TADA3: variants seen among roughly 807,000 people sequenced by gnomAD.
TADA3 encodes the protein transcriptional adapter 3.
A neutral mutation model predicts 43.2 loss-of-function variants in TADA3; 25 were observed. The ratio of observed to expected loss-of-function variants is 0.58; its 90% CI spans 0.42 to 0.81. The LOEUF (loss-of-function observed/expected upper bound fraction) is 0.81. TADA3 is among the 30% of genes least tolerant of loss of function. TADA3 has a pLI of 0.00. For synonymous variants in TADA3, 235 were observed against 225.5 expected (o/e 1.04, Z -0.38); for missense variants, 441 against 567.8 (o/e 0.78, Z 2.27).
At chr3:9,786,320 G>A (rs2078609769) in intron 6 of TADA3, among the ~76,000 whole-genome samples, 2 of 152,080 alleles carry the variant, frequency 1.3e-5, no homozygotes, top group Non-Finnish European at 2.9e-5. Context: ...CCGTCAGCTG[G>A]GGTCCCTGTC....
In TADA3 at chr3:9,781,703, GT is replaced by G. The variant is rs1368942231; in HGVS notation, c.1107-1155del. On this transcript the variant is annotated intron_variant, in intron 8 of 8. Coordinates refer to ENST00000301964, the MANE Select transcript of TADA3 (RefSeq NM_006354.5). Reference sequence around the variant, plus strand: ...CTTAGTGATTGAGTCCAGCCTGCCAGTTTTCCAGAAGGGGAAGGAGATGCTC... The same window carrying G: ...CTTAGTGATTGAGTCCAGCCTGCCAGTTTCCAGAAGGGGAAGGAGATGCTC... 9.4e-6 allele frequency: 4 copies of G among 424,724 alleles called. No homozygotes were observed. In the East Asian group the frequency reaches 2.9e-4, roughly 31 times the overall value. The allele number at this position is 424,724 out of a possible 1,614,324, so 26.3% of individuals were successfully genotyped here.
At chr3:9,786,776 C>T (rs759921916) in intron 6 of TADA3, among the ~76,000 whole-genome samples, 4 of 152,200 alleles carry the variant, frequency 2.6e-5, no homozygotes, top group Admixed American at 2.0e-4. Context: ...GCTGGTAATA[C>T]AAGCTCATTT....
At chr3:9,784,847 AGAGC>A (rs1489780216) in intron 7 of TADA3, among the ~76,000 whole-genome samples, 3 of 151,870 alleles carry the variant, frequency 2.0e-5, no homozygotes. Flanking sequence ...CTAAACGACA[AGAGC>A]GAGACTCCAT....
chr3:9,787,407 T>C, intron 4 of TADA3, 67 bp from the exon 5 acceptor site: 1 of 1,535,170 alleles, frequency 6.5e-7, no homozygotes, highest in Admixed American at 2.1e-5. Flanking sequence ...ATTCATTCAT[T>C]CACTTACCTA....
At chr3:9,785,710 G>A (rs1290795740) in intron 6 of TADA3, among the ~76,000 whole-genome samples, 1 of 152,214 alleles carries the variant, frequency 6.6e-6, no homozygotes, top group Non-Finnish European at 1.5e-5. Flanking sequence ...CAACGCACCA[G>A]GCAGTGTGCT....
chr3:9,780,071 T>TG lies in TADA3; in HGVS notation c.*285dup, dbSNP rs2078424272. On this transcript the variant is annotated 3_prime_UTR_variant, in exon 9 of 9. Coordinates refer to ENST00000301964, the MANE Select transcript of TADA3 (RefSeq NM_006354.5). ...GAGACAGGGGTAGGGGATTAGGGAG[T>TG]GGGGGATGGTAAAGAGGGGAAGAGG... is the stretch of plus-strand genomic sequence containing the variant. The TG allele has an allele frequency of 3.1e-6, 1 of 326,524 alleles. No homozygotes were observed. The highest frequency in any genetic ancestry group is 9.7e-5 in the South Asian group (1 of 10,274). The allele number at this position is 326,524 out of a possible 1,614,324, so 20.2% of individuals were successfully genotyped here. A position where few individuals can be genotyped will look rare whatever the true frequency, so the allele number is the denominator to read the frequency against.
rs760618790 is a variant in TADA3, at chr3:9,789,751, G to A, written c.420C>T (p.Ile140=). The change falls in exon 3 of 9, where the codon ATC becomes ATT. Residue 140 remains isoleucine (I), a synonymous_variant. Transcript: ENST00000301964. Reference sequence around the variant, plus strand: ...CATTTTTGGGGATCCGTGGCACGTCGATAGGGTCATCAGTGAATTCATATT... The same window carrying A: ...CATTTTTGGGGATCCGTGGCACGTCAATAGGGTCATCAGTGAATTCATATT... ...IQEYEFTDDP[I]DVPRIPKNDA... is the part of the protein sequence containing the mutation. The A allele has an allele frequency of 8.1e-6, 13 of 1,614,046 alleles. No individual in the cohort carries two copies. The highest frequency in any genetic ancestry group is 3.3e-5 in the Admixed American group (2 of 60,002).
Position 9,792,420 on chromosome 3 carries a change from G to T in TADA3, c.-232C>A. ...CGCTGCGGCCTCCTACGGCCCCAGG[G>T]GCCGCGGGAGGGGGCGGGGAGTTCC... is the stretch of plus-strand genomic sequence containing the variant. On this transcript the variant is annotated 5_prime_UTR_variant, in exon 1 of 9. Coordinates refer to ENST00000301964, the MANE Select transcript of TADA3 (RefSeq NM_006354.5). The T allele has an allele frequency of 9.6e-7, 1 of 1,041,302 alleles. No individual in the cohort carries two copies. The highest frequency in any genetic ancestry group is 1.2e-6 in the Non-Finnish European group (1 of 851,960). 64.5% of individuals were successfully genotyped at this position (1,041,302 alleles called of 1,614,324 possible). A position where few individuals can be genotyped will look rare whatever the true frequency, so the allele number is the denominator to read the frequency against.
intron 6 of TADA3, among the ~76,000 whole-genome samples, chr3:9,786,182 G>A (rs7618636): frequency 0.21 from 31,604 of 151,804 alleles, 3,776 homozygotes; most frequent in East Asian, 0.57. Flanking sequence ...CTTGTGATCC[G>A]CCCGCCTCAG....
rs370295296 is a variant in TADA3, at chr3:9,789,745, C to T, written c.426G>A (p.Val142=). The T allele has an allele frequency of 1.2e-5, 19 of 1,613,650 alleles. No homozygotes were observed. Among genetic ancestry groups the T allele is most frequent in the Non-Finnish European group, 1.6e-5 (19 of 1,179,708 alleles). ...GGGCATCATTTTTGGGGATCCGTGG[C>T]ACGTCGATAGGGTCATCAGTGAATT... ...EYEFTDDPID[V]PRIPKNDAPN... The change falls in exon 3 of 9, where the codon GTG becomes GTA. Residue 142 remains valine (V), a synonymous_variant. Coordinates refer to ENST00000301964, the MANE Select transcript of TADA3 (RefSeq NM_006354.5).
At chr3:9,785,120 C>A (rs909300046) in intron 7 of TADA3, among the ~76,000 whole-genome samples, 196 bp downstream of exon 7, 1 of 152,212 alleles carries the variant, frequency 6.6e-6, no homozygotes, top group African/African-American at 2.4e-5. Flanking sequence ...ATGGTATGAA[C>A]AGTTCTGTGC....
chr3:9,782,652 A>G lies in TADA3; in HGVS notation c.1106+1376T>C, dbSNP rs1015597620. ...AGAATGGCCAAATGATTAGCCTGGC[A>G]TGGTAGTGCATGCCTGTAATCCCAA... On this transcript the variant is annotated intron_variant, in intron 8 of 8. Transcript: ENST00000301964. 2.6e-5 allele frequency among the ~76,000 whole-genome samples: 4 copies of G among 152,180 alleles called. No homozygotes were observed. The East Asian group carries it at 7.7e-4, about 29-fold the overall frequency.
chr3:9,791,553 CTT>C (rs1309107053), intron 1 of TADA3, 60 bp from the exon 2 acceptor site: 3 of 1,049,470 alleles, frequency 2.9e-6, no homozygotes, highest in Non-Finnish European at 4.1e-6. Context: ...CCAAGGGCTT[CTT>C]ACCTCCAGGG....
At position 9,785,418 on chromosome 3, in the gene TADA3, A is replaced by T; in HGVS notation, c.818T>A (p.Ile273Asn). ...RLLQALVEEN[I>N]ISPMEDSPIP... ...AGGAGAATCCTCCATAGGGGAAATA[A>T]TATTTTCCTAGAAGACCACAAAAAT... is the stretch of plus-strand genomic sequence containing the variant. Residue 273 changes from isoleucine (I) to asparagine (N), a missense_variant, in exon 7 of 9, where the codon ATT (isoleucine) becomes AAT (asparagine). Physicochemically the swap from Ile to Asn is moderately radical, Grantham distance 149. Coordinates refer to ENST00000301964, the MANE Select transcript of TADA3 (RefSeq NM_006354.5). 1 of 1,611,938 alleles carries T rather than the reference A, an allele frequency of 6.2e-7. No homozygotes were observed. The highest frequency in any genetic ancestry group is 8.5e-7 in the Non-Finnish European group (1 of 1,178,200).
chr3:9,789,321 G>A (rs2078685719), intron 4 of TADA3, among the ~76,000 whole-genome samples, 188 bp downstream of exon 4: 1 of 152,186 alleles, frequency 6.6e-6, no homozygotes, highest in Non-Finnish European at 1.5e-5. Context: ...TTTGGCTGGG[G>A]TAGAGGGGAG....
chr3:9,792,483 C>T, upstream of TADA3: 1 of 1,203,222 alleles, frequency 8.3e-7, no homozygotes, highest in Admixed American at 4.4e-5. Flanking sequence ...TGGCTATGGG[C>T]GGGCCCCTTG....
chr3:9,784,529 A>G (rs1251942252), intron 7 of TADA3, among the ~76,000 whole-genome samples: 1 of 152,034 alleles, frequency 6.6e-6, no homozygotes, highest in Non-Finnish European at 1.5e-5. Context: ...CTTTTGCTAC[A>G]TATTAGTCCA....
intron 7 of TADA3, among the ~76,000 whole-genome samples, chr3:9,785,034 C>T (rs2078574448): frequency 6.6e-6 from 1 of 152,120 alleles, no homozygotes; most frequent in East Asian, 1.9e-4. Context: ...TGATTAATAG[C>T]CCCAAGTTAT....
rs141659244 is a variant in TADA3, at chr3:9,791,386, C to T, written c.81G>A (p.Thr27=). 211 of 1,614,052 alleles carry T rather than the reference C, an allele frequency of 1.3e-4. 1 individual carries two copies. The highest frequency in any genetic ancestry group is 4.1e-5 in the Non-Finnish European group (48 of 1,180,022). The part of the protein sequence containing the change: ...VDHLKVCPRY[T]AVLARSEDDG... ...CATCCTCAGAGCGTGCCAGCACTGC[C>T]GTGTAGCGGGGACAGACCTTCAGGT... is the stretch of plus-strand genomic sequence containing the variant. Residue 27 remains threonine, a synonymous_variant, in exon 2 of 9, where the codon ACG becomes ACA. Coordinates refer to ENST00000301964, the MANE Select transcript of TADA3 (RefSeq NM_006354.5).
Sources: gnomAD v4.1 joint callset for allele counts (sites outside exome capture counted in the v4.1 genomes callset) on GRCh38, gnomAD v4.1.1 for gene constraint, MANE v1.5 for transcripts, NCBI Gene and HGNC (gene_info 2026-07-23, HGNC 2026-07-21) for gene names.